Variants in CLSTN2 observed in about 807,000 individuals in gnomAD.
The protein encoded by CLSTN2 is calsyntenin 2, also known as calsyntenin-2.
Under a neutral mutation model 101.2 loss-of-function variants are expected in CLSTN2, and 48 were observed. That is an observed-to-expected ratio of 0.47 (90% confidence interval 0.38 to 0.60). CLSTN2 has a LOEUF of 0.60. Ranked by LOEUF, CLSTN2 falls within the 20% of genes least tolerant of loss-of-function variation. The probability of loss-of-function intolerance (pLI) is 0.00; values close to 1 mark genes in which losing one functional copy is unlikely to be tolerated. For synonymous variants in CLSTN2, 481 were observed against 463.6 expected, an observed-to-expected ratio of 1.04 and a Z score of -0.48; for missense variants, 1,160 against 1,238.2, an observed-to-expected ratio of 0.94 and a Z score of 0.95.
At chr3:140,500,036 C>T (rs183834614) in intron 8 of CLSTN2, among the ~76,000 whole-genome samples, 89 of 151,612 alleles carry the variant, frequency 5.9e-4, no homozygotes, top group Non-Finnish European at 1.1e-3. Flanking sequence ...CACTGCACTC[C>T]AGTCTGGGTG....
At chr3:140,353,244 T>C (rs998537067) in intron 2 of CLSTN2, among the ~76,000 whole-genome samples, 39 of 37,054 alleles carry the variant, frequency 1.1e-3, no homozygotes, top group Middle Eastern at 0.014. Flanking sequence ...TGTTTACACA[T>C]ATATATATAT....
At chr3:140,301,120 C>A (rs929511244) in intron 2 of CLSTN2, among the ~76,000 whole-genome samples, 2 of 152,154 alleles carry the variant, frequency 1.3e-5, no homozygotes, top group African/African-American at 4.8e-5. Flanking sequence ...CTGAGGAGGA[C>A]AGTCTACTTT....
intron 2 of CLSTN2, among the ~76,000 whole-genome samples, chr3:140,379,509 G>A (rs947903353): frequency 1.3e-5 from 2 of 152,182 alleles, no homozygotes; most frequent in Non-Finnish European, 2.9e-5. Flanking sequence ...GAATTGGAAG[G>A]CTTGCTTCAT....
chr3:140,171,859 T>C (rs2010240729), intron 1 of CLSTN2, among the ~76,000 whole-genome samples: 1 of 119,696 alleles, frequency 8.4e-6, no homozygotes, highest in East Asian at 2.1e-4. Context: ...ATATATATTA[T>C]ATAATAACAA....
intron 2 of CLSTN2, among the ~76,000 whole-genome samples, chr3:140,381,169 A>C (rs1576541389): frequency 6.6e-6 from 1 of 151,646 alleles, no homozygotes; most frequent in South Asian, 2.1e-4. Context: ...CAGATGTATC[A>C]CTCCAGCCAC....
At chr3:140,189,737 G>C (rs1415223859) in intron 2 of CLSTN2, among the ~76,000 whole-genome samples, 2 of 152,102 alleles carry the variant, frequency 1.3e-5, no homozygotes, top group African/African-American at 4.8e-5. Flanking sequence ...GTACAGTTAG[G>C]TTGAGACTCC....
intron 8 of CLSTN2, among the ~76,000 whole-genome samples, chr3:140,486,492 T>C (rs1018491164): frequency 2.0e-5 from 3 of 152,198 alleles, no homozygotes; most frequent in Non-Finnish European, 2.9e-5. Context: ...TTAAACTTTA[T>C]GTGAAGTGTT....
chr3:140,547,623 A>C (rs1287936392), intron 10 of CLSTN2, among the ~76,000 whole-genome samples: 1 of 152,206 alleles, frequency 6.6e-6, no homozygotes, highest in African/African-American at 2.4e-5. Flanking sequence ...CTCATTTGAG[A>C]GAAGCTCCTC....
At chr3:140,477,871 T>C (rs1934021490) in intron 8 of CLSTN2, among the ~76,000 whole-genome samples, 1 of 152,224 alleles carries the variant, frequency 6.6e-6, no homozygotes, top group Non-Finnish European at 1.5e-5. Context: ...TCTGTGAACA[T>C]GTCTACATGG....
chr3:140,485,425 T>A (rs1370552193), intron 8 of CLSTN2, among the ~76,000 whole-genome samples: 1 of 152,200 alleles, frequency 6.6e-6, no homozygotes, highest in Non-Finnish European at 1.5e-5. Context: ...GAGGAGGCAG[T>A]CTGTCTGTTC....
intron 2 of CLSTN2, among the ~76,000 whole-genome samples, chr3:140,231,409 G>C (rs1576476237): frequency 1.3e-5 from 2 of 152,276 alleles, no homozygotes; most frequent in Admixed American, 6.5e-5. Flanking sequence ...AATGCAGACT[G>C]TTTCATGAGC....
At chr3:140,448,374 G>A (rs4683498) in intron 5 of CLSTN2, 145 bp from the exon 6 acceptor site, 297,954 of 684,118 alleles carry the variant, frequency 0.44, 71,872 homozygotes, top group Non-Finnish European at 0.5. Context: ...ATGTAAAACT[G>A]CCATTATTCT....
intron 1 of CLSTN2, among the ~76,000 whole-genome samples, chr3:139,965,361 G>T (rs1309915091): frequency 6.6e-6 from 1 of 152,124 alleles, no homozygotes; most frequent in Non-Finnish European, 1.5e-5. Flanking sequence ...GTACTTCTGA[G>T]AAAGTCATGG....
chr3:140,246,075 C>T (rs1030339235), intron 2 of CLSTN2, among the ~76,000 whole-genome samples: 5 of 152,088 alleles, frequency 3.3e-5, no homozygotes, highest in African/African-American at 1.2e-4. Flanking sequence ...TTACGTTGAT[C>T]CTTCCAACTT....
chr3:140,047,295 A>G (rs986806729), intron 1 of CLSTN2, among the ~76,000 whole-genome samples: 1 of 152,256 alleles, frequency 6.6e-6, no homozygotes, highest in Admixed American at 6.5e-5. Flanking sequence ...AAGAAATCCT[A>G]ATAGTAATAT....
chr3:140,503,599 T>C (rs969334582), intron 8 of CLSTN2, among the ~76,000 whole-genome samples: 17 of 151,872 alleles, frequency 1.1e-4, no homozygotes, highest in Admixed American at 1.1e-3. Flanking sequence ...GACTGTAACA[T>C]ATTCACAGGT....
intron 8 of CLSTN2, among the ~76,000 whole-genome samples, chr3:140,510,188 CG>C (rs1934780108): frequency 6.6e-6 from 1 of 152,168 alleles, no homozygotes; most frequent in Non-Finnish European, 1.5e-5. Context: ...CTACTGAATA[CG>C]TATTGTTTTT....
chr3:140,459,233 C>G (rs1933494595), intron 6 of CLSTN2, among the ~76,000 whole-genome samples: 1 of 152,198 alleles, frequency 6.6e-6, no homozygotes, highest in African/African-American at 2.4e-5. Context: ...TAAGAGCCCC[C>G]AGGGTTTTTC....
chr3:140,495,932 G>A (rs143268860), intron 8 of CLSTN2, among the ~76,000 whole-genome samples: 272 of 152,252 alleles, frequency 1.8e-3, no homozygotes, highest in Non-Finnish European at 3.2e-3. Context: ...TCTTAGGATC[G>A]TCTTGGCTAT....
Sources: gnomAD v4.1 joint callset for allele counts (sites outside exome capture counted in the v4.1 genomes callset) on GRCh38, gnomAD v4.1.1 for gene constraint, MANE v1.5 for transcripts, NCBI Gene and HGNC (gene_info 2026-07-23, HGNC 2026-07-21) for gene names.